The following ATP10B variants were observed in gnomAD, a reference collection of about 807,000 sequenced individuals.
The protein encoded by ATP10B is ATPase phospholipid transporting 10B (putative).
ATP10B carries 122 observed loss-of-function variants against 141.2 expected under a neutral mutation model. The observed-to-expected ratio is 0.86, with a 90% CI of 0.75 to 1.00. ATP10B has a LOEUF of 1.00. Ranked by LOEUF, ATP10B falls within the 50% of genes least tolerant of loss-of-function variation. The probability of loss-of-function intolerance (pLI) is 0.00; values close to 1 mark genes in which losing one functional copy is unlikely to be tolerated. For synonymous variants in ATP10B, 685 were observed against 692.0 expected (o/e 0.99, Z 0.16); for missense variants, 1,876 against 1,825.3 (o/e 1.03, Z -0.51).
intron 7 of ATP10B, among the ~76,000 whole-genome samples, chr5:160,667,369 G>A (rs1055663629): frequency 6.6e-6 from 1 of 152,140 alleles, no homozygotes; most frequent in African/African-American, 2.4e-5. Context: ...GTATAAAATG[G>A]AGACAATAAT....
At position 160,762,651 on chromosome 5, in the gene ATP10B, GA is replaced by G. The variant is rs151199059; in HGVS notation, c.-331+22907del. Among the ~76,000 whole-genome samples, 9 of 149,920 alleles carry G rather than the reference GA, an allele frequency of 6.0e-5. No homozygotes were observed. The South Asian group carries it at 6.3e-4, about 10-fold the overall frequency. The stretch of plus-strand genomic sequence containing the variant: ...AGGATTAATAAAACAATGACATAAT[GA>G]AAAAAAAACCCACAAAGTATTCAGA... On this transcript the variant is annotated intron_variant, in intron 2 of 25. Coordinates refer to ENST00000327245, the MANE Select transcript of ATP10B (RefSeq NM_025153.3).
intron 21 of ATP10B, 118 bp from the exon 22 acceptor site, chr5:160,599,088 G>A (rs537902467): frequency 1.3e-6 from 1 of 789,332 alleles, no homozygotes; most frequent in African/African-American, 1.7e-5. Flanking sequence ...AACACACAGG[G>A]TTATGTAAGG....
At chr5:160,896,490 C>A in the ATP10B span, among the ~76,000 whole-genome samples, 1 of 152,078 alleles carries the variant, frequency 6.6e-6, no homozygotes, top group Admixed American at 6.6e-5. Flanking sequence ...TAAGACTAAA[C>A]CAGGAAGAAG....
At chr5:160,682,171 G>A (rs1763443427) in intron 6 of ATP10B, among the ~76,000 whole-genome samples, 1 of 152,176 alleles carries the variant, frequency 6.6e-6, no homozygotes, top group South Asian at 2.1e-4. Flanking sequence ...TATTTCCAAA[G>A]CCCAGTAAAT....
intron 12 of ATP10B, chr5:160,634,047 C>T (rs1759144756): frequency 9.1e-6 from 4 of 440,958 alleles, no homozygotes; most frequent in South Asian, 6.2e-5. Context: ...GGAAATGTCT[C>T]CAATCCATTG....
chr5:160,675,324 G>A (rs1762956779), intron 6 of ATP10B, among the ~76,000 whole-genome samples: 1 of 152,142 alleles, frequency 6.6e-6, no homozygotes, highest in Non-Finnish European at 1.5e-5. Context: ...CGGGATGAAG[G>A]CTCCATCTGG....
At chr5:160,630,448 C>G (rs1269455683) in intron 13 of ATP10B, among the ~76,000 whole-genome samples, 4 of 152,178 alleles carry the variant, frequency 2.6e-5, no homozygotes, top group Admixed American at 2.6e-4. Context: ...AACTGAGATC[C>G]ACAAAGGAAA....
chr5:160,614,178 A>C (rs1757876342), intron 17 of ATP10B: 1 of 151,830 alleles, frequency 6.6e-6, no homozygotes, highest in Non-Finnish European at 1.5e-5. Context: ...AACCCCATAA[A>C]AAGTGATGGC....
At chr5:160,762,941 A>G (rs372310671) in intron 2 of ATP10B, among the ~76,000 whole-genome samples, 13 of 152,304 alleles carry the variant, frequency 8.5e-5, no homozygotes, top group African/African-American at 2.9e-4. Context: ...ACAGACATCA[A>G]AGAAACAACA....
the ATP10B span, among the ~76,000 whole-genome samples, chr5:160,857,356 C>T: frequency 6.6e-6 from 1 of 150,820 alleles, no homozygotes; most frequent in Non-Finnish European, 1.5e-5. Flanking sequence ...TCTTATTATC[C>T]CTTGATTCTG....
At chr5:160,867,221 C>G in the ATP10B span, among the ~76,000 whole-genome samples, 1 of 145,660 alleles carries the variant, frequency 6.9e-6, no homozygotes, top group Non-Finnish European at 1.5e-5. Context: ...TATATGGATA[C>G]AAAAGTATCT....
the ATP10B span, among the ~76,000 whole-genome samples, chr5:160,905,237 T>A: frequency 6.6e-6 from 1 of 152,208 alleles, no homozygotes; most frequent in Non-Finnish European, 1.5e-5. Flanking sequence ...TACTACATTA[T>A]ATTGTGTATG....
chr5:160,679,109 C>T (rs1301952695), intron 6 of ATP10B, among the ~76,000 whole-genome samples: 1 of 152,184 alleles, frequency 6.6e-6, no homozygotes, highest in East Asian at 1.9e-4. Context: ...AGTGACATAA[C>T]CAGGATCAGG....
chr5:160,871,954 A>G, the ATP10B span, among the ~76,000 whole-genome samples: 2 of 152,084 alleles, frequency 1.3e-5, no homozygotes, highest in Non-Finnish European at 2.9e-5. Context: ...ACTTTTAGTT[A>G]TTTAAGGAAT....
the ATP10B span, among the ~76,000 whole-genome samples, chr5:160,921,681 T>C: frequency 2.6e-5 from 4 of 152,206 alleles, no homozygotes; most frequent in African/African-American, 9.6e-5. Context: ...CTAAGTTCCA[T>C]TGAAATGACA....
chr5:160,670,800 A>T lies in ATP10B; in HGVS notation c.471-133T>A, dbSNP rs1338232152. 2.9e-5 allele frequency: 21 copies of T among 728,462 alleles called. No homozygotes were observed. In the East Asian group the frequency reaches 5.2e-4, roughly 18 times the overall value. 45.1% of individuals were successfully genotyped at this position (728,462 alleles called of 1,614,324 possible). A position where few individuals can be genotyped will look rare whatever the true frequency, so the allele number is the denominator to read the frequency against. On this transcript the variant is annotated intron_variant, in intron 6 of 25. Transcript: ENST00000327245. ...CTGTCATGAGATTGCCTTGTATTCT[A>T]CCTTACCCCTGAATGACCACCTCAT...
intron 7 of ATP10B, among the ~76,000 whole-genome samples, chr5:160,669,025 C>T (rs1762497832): frequency 6.6e-6 from 1 of 152,222 alleles, no homozygotes; most frequent in South Asian, 2.1e-4. Flanking sequence ...AGGAATAAAT[C>T]ATTTGCTTTC....
upstream of ATP10B, among the ~76,000 whole-genome samples, chr5:160,855,554 T>C (rs967277600): frequency 3.3e-5 from 5 of 151,878 alleles, no homozygotes; most frequent in Admixed American, 1.3e-4. Flanking sequence ...ATGTTTTCTT[T>C]CAATCCATAA....
At chr5:160,632,058 T>A in intron 13 of ATP10B, 71 bp downstream of exon 13, 2 of 1,439,558 alleles carry the variant, frequency 1.4e-6, no homozygotes, top group Admixed American at 4.4e-5. Context: ...TTTTTCTTTT[T>A]CACATTCCAG....
Sources: allele counts gnomAD v4.1 joint callset (sites outside exome capture counted in the v4.1 genomes callset), GRCh38; gene constraint gnomAD v4.1.1; transcripts MANE v1.5; gene names NCBI Gene and HGNC (gene_info 2026-07-23, HGNC 2026-07-21).